Variants in RAF1 observed in about 807,000 individuals in gnomAD.
RAF1 encodes RAF proto-oncogene serine/threonine-protein kinase.
A neutral mutation model predicts 81.1 loss-of-function variants in RAF1; 27 were observed. That is an observed-to-expected ratio of 0.33 (90% CI 0.25 to 0.46). The LOEUF is 0.46. Among genes scored for constraint, RAF1 ranks in the 20% least tolerant of loss-of-function variants. The pLI, the probability that RAF1 is intolerant of heterozygous loss-of-function variation, is 1.00. For synonymous variants in RAF1, 298 were observed against 294.0 expected, an observed-to-expected ratio of 1.01 and a Z score of -0.14; for missense variants, 598 against 826.0, an observed-to-expected ratio of 0.72 and a Z score of 3.38.
intron 1 of RAF1, among the ~76,000 whole-genome samples, chr3:12,639,348 C>A (rs183333039): frequency 7.9e-5 from 12 of 152,248 alleles, no homozygotes; most frequent in African/African-American, 2.9e-4. Flanking sequence ...TCCTATTTAA[C>A]ATAGTGTCGG....
intron 1 of RAF1, among the ~76,000 whole-genome samples, chr3:12,632,592 A>C (rs1419505851): frequency 6.6e-6 from 1 of 152,234 alleles, no homozygotes; most frequent in African/African-American, 2.4e-5. Context: ...TCAGCTTTCC[A>C]TCAGCAACTT....
At chr3:12,625,550 G>A (rs914552440) in intron 1 of RAF1, among the ~76,000 whole-genome samples, 1 of 152,124 alleles carries the variant, frequency 6.6e-6, no homozygotes, top group Non-Finnish European at 1.5e-5. Flanking sequence ...ACACAGGAAT[G>A]TTTCTAATAC....
rs1488871333 is a variant in RAF1 at position 12,604,286 on chromosome 3, A to C, written c.684T>G (p.Ser228=). The C allele has an allele frequency of 1.2e-6, 2 of 1,613,970 alleles. No homozygotes were observed. Among genetic ancestry groups the C allele is most frequent in the East Asian group, 2.2e-5 (1 of 44,882 alleles). The change falls in exon 7 of 18, where the codon TCT becomes TCG. Residue 228 remains serine (S), a synonymous_variant. Transcript: ENST00000442415. ...CGTGAGGTGTAGAATATCTGTGCTG[A>C]GAACTAGGAGGAGAAAGAAAATTCC...
intron 1 of RAF1, among the ~76,000 whole-genome samples, chr3:12,619,265 C>T (rs2059475866): frequency 6.8e-6 from 1 of 146,326 alleles, no homozygotes; most frequent in Non-Finnish European, 1.5e-5. Context: ...CAAAACAAAA[C>T]AAAACATTTA....
chr3:12,661,395 G>T (rs548129772), intron 1 of RAF1, among the ~76,000 whole-genome samples: 7 of 152,056 alleles, frequency 4.6e-5, no homozygotes, highest in Non-Finnish European at 8.8e-5. Context: ...TAAGACTGGG[G>T]AGTACATTAC....
At chr3:12,661,698 G>A (rs116337191) in intron 1 of RAF1, among the ~76,000 whole-genome samples, 4,030 of 151,898 alleles carry the variant, frequency 0.027, 77 homozygotes, top group Non-Finnish European at 0.035. Flanking sequence ...GTGAGACTCC[G>A]TCGCAAAAAA....
At chr3:12,658,954 T>C (rs1455236135) in intron 1 of RAF1, among the ~76,000 whole-genome samples, 1 of 152,214 alleles carries the variant, frequency 6.6e-6, no homozygotes, top group Admixed American at 6.5e-5. Flanking sequence ...GGGGTCATTT[T>C]AGAAGAAAGG....
At chr3:12,610,114 A>G (rs1465275065) in intron 3 of RAF1, among the ~76,000 whole-genome samples, 5 of 152,234 alleles carry the variant, frequency 3.3e-5, no homozygotes, top group African/African-American at 1.2e-4. Context: ...TAAGACAAAA[A>G]ATAGATACAT....
chr3:12,590,106 T>TA (rs35204864), intron 13 of RAF1: 34,382 of 147,190 alleles, frequency 0.23, 4,618 homozygotes, highest in East Asian at 0.45. Context: ...AGTTTTTAAT[T>TA]AAAAAAAAAA....
chr3:12,600,819 C>T (rs905134138), intron 8 of RAF1, among the ~76,000 whole-genome samples: 1 of 152,236 alleles, frequency 6.6e-6, no homozygotes, highest in Non-Finnish European at 1.5e-5. Flanking sequence ...GCCTCGGCCT[C>T]CCAAAGTGCT....
chr3:12,630,910 T>C (rs2059840367), intron 1 of RAF1, among the ~76,000 whole-genome samples: 1 of 152,102 alleles, frequency 6.6e-6, no homozygotes, highest in Admixed American at 6.5e-5. Context: ...TTCAAGCGAT[T>C]CTCCCACCTC....
At chr3:12,601,168 A>G (rs952474218) in intron 8 of RAF1, among the ~76,000 whole-genome samples, 2 of 152,362 alleles carry the variant, frequency 1.3e-5, no homozygotes, top group Admixed American at 6.5e-5. Flanking sequence ...AGAAAGCTGG[A>G]AAGACCACAA....
intron 11 of RAF1, among the ~76,000 whole-genome samples, chr3:12,598,818 C>A (rs1478481881): frequency 1.3e-5 from 2 of 148,514 alleles, no homozygotes; most frequent in African/African-American, 4.9e-5. Context: ...ATACTCCATT[C>A]ATTTGATGCT....
intron 2 of RAF1, among the ~76,000 whole-genome samples, chr3:12,613,110 C>CT (rs1236854179): frequency 6.6e-6 from 1 of 152,168 alleles, no homozygotes; most frequent in Middle Eastern, 3.2e-3. Context: ...CTATATTCCC[C>CT]TGTACTCAAT....
chr3:12,646,840 C>T (rs1339088907), intron 1 of RAF1, among the ~76,000 whole-genome samples: 3 of 151,862 alleles, frequency 2.0e-5, no homozygotes, highest in African/African-American at 4.8e-5. Flanking sequence ...TGAGCCACCA[C>T]GCCCAGCCTA....
intron 13 of RAF1, chr3:12,589,137 T>C (rs531699848): frequency 5.2e-5 from 8 of 153,202 alleles, no homozygotes; most frequent in African/African-American, 1.9e-4. Context: ...ACCTCTTTTC[T>C]TTATAAATTA....
chr3:12,650,878 C>T (rs989765658), intron 1 of RAF1, among the ~76,000 whole-genome samples: 17 of 152,070 alleles, frequency 1.1e-4, no homozygotes, highest in African/African-American at 4.1e-4. Context: ...TCACTTCTAG[C>T]TTGAGTGGAA....
At position 12,585,743 on chromosome 3, in the gene RAF1, C is replaced by G. The variant is rs2125326103; in HGVS notation, c.1534G>C (p.Val512Leu). Residue 512 changes from valine to leucine, a missense_variant, in exon 15 of 18, where the codon GTA becomes CTA. By Grantham distance (32) the Val-to-Leu change is conservative. Coordinates refer to ENST00000442415, the MANE Select transcript of RAF1 (RefSeq NM_001354689.3). ...TGAGAACCACTCCAGCGTGACTTTA[C>G]TGTTGCCAAACCAAAATCTCCAATT... The G allele has an allele frequency of 6.2e-7, 1 of 1,614,212 alleles. No individual in the cohort carries two copies. Among genetic ancestry groups the G allele is most frequent in the Non-Finnish European group, 8.5e-7 (1 of 1,180,032 alleles).
intron 1 of RAF1, among the ~76,000 whole-genome samples, chr3:12,658,619 GAAAC>G (rs956425527): frequency 5.9e-5 from 9 of 152,034 alleles, no homozygotes; most frequent in Non-Finnish European, 8.8e-5. Context: ...AACAAAAAAA[GAAAC>G]AAACAAAATT....
Sources: allele counts gnomAD v4.1 joint callset (sites outside exome capture counted in the v4.1 genomes callset), GRCh38; gene constraint gnomAD v4.1.1; transcripts MANE v1.5; gene names NCBI Gene and HGNC (gene_info 2026-07-23, HGNC 2026-07-21).